The following EPHA6 variants were observed in gnomAD, a reference collection of about 807,000 sequenced individuals.
EPHA6 encodes EPH receptor A6.
Under a neutral mutation model 112.0 loss-of-function variants are expected in EPHA6, and 50 were observed. The ratio of observed to expected loss-of-function variants is 0.45; its 90% CI spans 0.36 to 0.56. EPHA6 has a LOEUF of 0.56. EPHA6 is among the 20% of genes least tolerant of loss of function. The pLI, the probability that EPHA6 is intolerant of heterozygous loss-of-function variation, is 0.00. For missense variants in EPHA6, 1,280 were observed against 1,417.4 expected (o/e 0.90, Z 1.56); for synonymous variants, 529 against 490.7 (o/e 1.08, Z -1.03).
chr3:97,324,557 C>CTTTT (rs1559884298), intron 5 of EPHA6, among the ~76,000 whole-genome samples: 115 of 149,646 alleles, frequency 7.7e-4, no homozygotes, highest in African/African-American at 2.6e-3. Context: ...TTCTTTCTTT[C>CTTTT]GATGGAGCTT....
In EPHA6 at chr3:96,907,265, T is replaced by C. The variant is rs552509871; in HGVS notation, c.450+40376T>C. On this transcript the variant is annotated intron_variant, in intron 2 of 17. Transcript: ENST00000389672. ...TTAAGAGTAGTCATTTATTTTCTTA[T>C]TTATTTATTAATATTTATTGTGTTC... 3.2e-4 allele frequency among the ~76,000 whole-genome samples: 48 copies of C among 152,046 alleles called. No homozygotes were observed. The South Asian group carries it at 7.9e-3, about 25-fold the overall frequency.
chr3:96,855,308 C>T (rs2035629616), intron 1 of EPHA6, among the ~76,000 whole-genome samples: 1 of 152,150 alleles, frequency 6.6e-6, no homozygotes, highest in Non-Finnish European at 1.5e-5. Context: ...CTCCGTGTAA[C>T]AGCATATACA....
At chr3:96,877,854 G>T (rs2037066454) in intron 2 of EPHA6, among the ~76,000 whole-genome samples, 1 of 151,216 alleles carries the variant, frequency 6.6e-6, no homozygotes, top group Non-Finnish European at 1.5e-5. Context: ...TGAAATTAAA[G>T]AAGTCTTTCA....
At chr3:97,555,697 A>C (rs1214183317) in intron 11 of EPHA6, among the ~76,000 whole-genome samples, 2 of 151,986 alleles carry the variant, frequency 1.3e-5, no homozygotes, top group African/African-American at 4.8e-5. Context: ...GCATTTTTTC[A>C]TGTGTTTTTT....
intron 13 of EPHA6, among the ~76,000 whole-genome samples, chr3:97,628,064 A>G (rs578045369): frequency 2.4e-4 from 37 of 152,144 alleles, no homozygotes; most frequent in African/African-American, 7.0e-4. Context: ...TGACCTAATT[A>G]CTATATTTTA....
chr3:97,605,508 G>A (rs1474035777), intron 12 of EPHA6, among the ~76,000 whole-genome samples: 2 of 151,672 alleles, frequency 1.3e-5, no homozygotes, highest in African/African-American at 4.8e-5. Context: ...TGACTAGGAA[G>A]TCCTTTCACT....
Position 96,981,648 on chromosome 3 carries a change from C to T in EPHA6, c.451-5682C>T, listed in dbSNP as rs1374671642. On this transcript the variant is annotated intron_variant, in intron 2 of 17. Coordinates refer to ENST00000389672, the MANE Select transcript of EPHA6 (RefSeq NM_001080448.3). ...GAATGGTACCAGCTCCTCCTTGTAC[C>T]TCTGACAGAATTCTGCTGTGAATCC... 2.0e-5 allele frequency among the ~76,000 whole-genome samples: 3 copies of T among 152,032 alleles called. No individual in the cohort carries two copies. In the East Asian group the frequency reaches 5.8e-4, roughly 29 times the overall value.
intron 7 of EPHA6, among the ~76,000 whole-genome samples, chr3:97,472,617 A>G (rs541647648): frequency 6.6e-6 from 1 of 151,900 alleles, no homozygotes; most frequent in South Asian, 2.1e-4. Flanking sequence ...AATTATCCCC[A>G]TCAGGACCAA....
intron 5 of EPHA6, among the ~76,000 whole-genome samples, chr3:97,322,796 A>G (rs1192785715): frequency 6.6e-6 from 1 of 151,978 alleles, no homozygotes; most frequent in Non-Finnish European, 1.5e-5. Context: ...AAAAACTAAG[A>G]CTTTAAAAAA....
Position 97,643,698 on chromosome 3 carries a change from T to C in EPHA6, c.2784+5616T>C, listed in dbSNP as rs2094030838. On this transcript the variant is annotated intron_variant, in intron 14 of 17. Coordinates refer to ENST00000389672, the MANE Select transcript of EPHA6 (RefSeq NM_001080448.3). ...CAAAGATCAAAAGAGACAAGGCCAA[T>C]ACATAATGGTAAAGGGATCAATTCA... 2.0e-5 allele frequency among the ~76,000 whole-genome samples: 3 copies of C among 152,020 alleles called. No homozygotes were observed. In the South Asian group the frequency reaches 6.2e-4, roughly 31 times the overall value.
intron 2 of EPHA6, among the ~76,000 whole-genome samples, chr3:96,902,163 C>T (rs187178794): frequency 6.6e-6 from 1 of 152,092 alleles, no homozygotes; most frequent in African/African-American, 2.4e-5. Context: ...TATTTAACAT[C>T]TTATGAAATT....
intron 5 of EPHA6, among the ~76,000 whole-genome samples, chr3:97,337,352 C>A (rs1482406238): frequency 6.6e-6 from 1 of 152,044 alleles, no homozygotes; most frequent in African/African-American, 2.4e-5. Context: ...TTCATTAGTC[C>A]CACGCACTCA....
chr3:97,075,065 C>G (rs904128839), intron 3 of EPHA6, among the ~76,000 whole-genome samples: 1 of 151,670 alleles, frequency 6.6e-6, no homozygotes. Flanking sequence ...TTTTTACCAG[C>G]AATTAGGACT....
chr3:97,338,094 G>A (rs983242053), intron 5 of EPHA6, among the ~76,000 whole-genome samples: 18 of 150,080 alleles, frequency 1.2e-4, no homozygotes, highest in Admixed American at 3.3e-4. Flanking sequence ...GTGTGTGTGC[G>A]TGTGTGTGTG....
At position 97,270,661 on chromosome 3, in the gene EPHA6, A is replaced by C. The variant is rs186435450; in HGVS notation, c.1606+26374A>C. Among the ~76,000 whole-genome samples, 434 of 152,338 alleles carry C rather than the reference A, an allele frequency of 2.8e-3. 3 individuals carry two copies. Among genetic ancestry groups the C allele is most frequent in the African/African-American group, 9.4e-3 (392 of 41,576 alleles). On this transcript the variant is annotated intron_variant, in intron 5 of 17. Transcript: ENST00000389672. ...CATCTTGCCACAGTCATAACCAGTCAGAAGTGCATCAAGACTGACTGCTTT... is the reference window on the plus strand; with the variant it reads ...CATCTTGCCACAGTCATAACCAGTCCGAAGTGCATCAAGACTGACTGCTTT...
At chr3:97,240,474 G>A (rs984010244) in intron 4 of EPHA6, among the ~76,000 whole-genome samples, 12 of 151,720 alleles carry the variant, frequency 7.9e-5, no homozygotes, top group African/African-American at 2.4e-4. Context: ...CAGATATTTC[G>A]GTGAAATTTT....
At chr3:96,827,957 G>C (rs2033775637) in intron 1 of EPHA6, among the ~76,000 whole-genome samples, 5 of 152,076 alleles carry the variant, frequency 3.3e-5, no homozygotes, top group Admixed American at 3.3e-4. Flanking sequence ...TGGCTAAGAA[G>C]ACAGTTAAAA....
At chr3:97,748,193 A>T (rs1256208315) in intron 17 of EPHA6, among the ~76,000 whole-genome samples, 1 of 152,128 alleles carries the variant, frequency 6.6e-6, no homozygotes, top group Non-Finnish European at 1.5e-5. Context: ...TCCATCCTAC[A>T]TAATCACCAT....
intron 3 of EPHA6, among the ~76,000 whole-genome samples, chr3:97,160,254 C>T (rs2076381417): frequency 6.6e-6 from 1 of 152,022 alleles, no homozygotes; most frequent in African/African-American, 2.4e-5. Flanking sequence ...CTTTGGTGTG[C>T]ATTCACCTAG....
Sources: allele counts gnomAD v4.1 joint callset (sites outside exome capture counted in the v4.1 genomes callset), GRCh38; gene constraint gnomAD v4.1.1; transcripts MANE v1.5; gene names NCBI Gene and HGNC (gene_info 2026-07-23, HGNC 2026-07-21).